LRRC74A: variants seen among roughly 807,000 people sequenced by gnomAD.
LRRC74A encodes the protein leucine-rich repeat-containing protein 74A.
In LRRC74A, 44 loss-of-function variants were observed where a neutral mutation model predicts 57.9. The ratio of observed to expected loss-of-function variants is 0.76; its 90% CI spans 0.60 to 0.98. The LOEUF is 0.98. LRRC74A is among the 50% of genes least tolerant of loss of function. The probability of loss-of-function intolerance (pLI) is 0.00; values close to 1 mark genes in which losing one functional copy is unlikely to be tolerated. For missense variants in LRRC74A, 572 were observed against 574.0 expected (o/e 1.00, Z 0.04); for synonymous variants, 211 against 219.4 (o/e 0.96, Z 0.34).
chr14:76,867,270 T>G (rs1222099585), intron 12 of LRRC74A, 86 bp from the exon 13 acceptor site: 4 of 271,932 alleles, frequency 1.5e-5, no homozygotes, highest in East Asian at 1.0e-4. Flanking sequence ...GTGTGTGTGT[T>G]GGGGGGGTAG....
chr14:76,858,230 G>A (rs1230257388), intron 10 of LRRC74A, among the ~76,000 whole-genome samples: 1 of 152,204 alleles, frequency 6.6e-6, no homozygotes, highest in East Asian at 1.9e-4. Context: ...AGAGTAAGGT[G>A]TCAGCAGGCC....
intron 12 of LRRC74A, among the ~76,000 whole-genome samples, 192 bp from the exon 13 acceptor site, chr14:76,867,152 TGTTGGGGGTGGG>T (rs1898949009): frequency 2.1e-4 from 1 of 4,796 alleles, no homozygotes; most frequent in East Asian, 0.012. Context: ...GGGGTGTGTG[TGTTGGGGGTGGG>T]GTGTGTGGTA....
At chr14:76,857,530 C>T in intron 10 of LRRC74A, 55 bp downstream of exon 10, 1 of 1,273,822 alleles carries the variant, frequency 7.9e-7, no homozygotes, top group South Asian at 1.3e-5. Context: ...TGACCCTGTC[C>T]ACTCTATACT....
At chr14:76,843,989 C>G (rs1896950880) in intron 5 of LRRC74A, among the ~76,000 whole-genome samples, 1 of 150,512 alleles carries the variant, frequency 6.6e-6, no homozygotes, top group African/African-American at 2.5e-5. Context: ...GCATGAGCCA[C>G]AGTACCCAGG....
At chr14:76,831,113 G>A in intron 2 of LRRC74A, 90 bp from the exon 3 acceptor site, 1 of 1,337,350 alleles carries the variant, frequency 7.5e-7, no homozygotes, top group Non-Finnish European at 1.0e-6. Flanking sequence ...GCAGAGGACA[G>A]TCTAGACATG....
chr14:76,838,176 T>A (rs939467351), intron 5 of LRRC74A, among the ~76,000 whole-genome samples: 1 of 152,190 alleles, frequency 6.6e-6, no homozygotes, highest in Admixed American at 6.5e-5. Flanking sequence ...TTACAGATGA[T>A]ATATAAACAA....
chr14:76,868,254 G>A (rs1209321413), intron 13 of LRRC74A, among the ~76,000 whole-genome samples: 2 of 152,174 alleles, frequency 1.3e-5, no homozygotes, highest in Non-Finnish European at 2.9e-5. Flanking sequence ...CTTGAGCCCA[G>A]GAGGTCGAGA....
chr14:76,839,830 A>G (rs1376372008), intron 5 of LRRC74A, among the ~76,000 whole-genome samples: 1 of 152,106 alleles, frequency 6.6e-6, no homozygotes, highest in Non-Finnish European at 1.5e-5. Flanking sequence ...TCCCAGGTTC[A>G]AGCAATTCTC....
At chr14:76,840,673 C>A (rs1208124382) in intron 5 of LRRC74A, among the ~76,000 whole-genome samples, 1 of 151,576 alleles carries the variant, frequency 6.6e-6, no homozygotes, top group Non-Finnish European at 1.5e-5. Flanking sequence ...GGCTCTGCCC[C>A]CCGGGGTTCA....
At chr14:76,837,524 C>G (rs758011355) in intron 4 of LRRC74A, among the ~76,000 whole-genome samples, 6 of 152,220 alleles carry the variant, frequency 3.9e-5, no homozygotes, top group Non-Finnish European at 8.8e-5. Context: ...CACTGCCAAG[C>G]TCTCCAAATG....
intron 9 of LRRC74A, among the ~76,000 whole-genome samples, chr14:76,856,498 T>C (rs1240905387): frequency 6.7e-6 from 1 of 149,560 alleles, no homozygotes; most frequent in African/African-American, 2.5e-5. Context: ...CTCTAATTAA[T>C]ATGTGCTGGA....
At chr14:76,832,280 C>G (rs1041528185) in intron 3 of LRRC74A, among the ~76,000 whole-genome samples, 2 of 152,124 alleles carry the variant, frequency 1.3e-5, no homozygotes, top group African/African-American at 4.8e-5. Flanking sequence ...ATGAAAGGAA[C>G]CCTTCCATCC....
In LRRC74A at chr14:76,857,406, T is replaced by A; in HGVS notation, c.984T>A (p.Asp328Glu). Residue 328 changes from aspartate to glutamate, a missense_variant, in exon 10 of 14, where the codon GAT becomes GAA. Coordinates refer to ENST00000689127, the MANE Select transcript of LRRC74A (RefSeq NM_001385106.1). ...LKLFLNPINM[D>E]GAILLILAIK... ...TTTTCCTGAATCCCATAAATATGGA[T>A]GGGGCTATTTTACTTATCCTGGCTA... 1 of 1,583,544 alleles carries A rather than the reference T, an allele frequency of 6.3e-7. No homozygotes were observed. Among genetic ancestry groups the A allele is most frequent in the Non-Finnish European group, 8.6e-7 (1 of 1,163,170 alleles).
At chr14:76,850,164 C>T (rs998286356) in intron 7 of LRRC74A, among the ~76,000 whole-genome samples, 6 of 150,066 alleles carry the variant, frequency 4.0e-5, no homozygotes, top group Non-Finnish European at 5.9e-5. Flanking sequence ...GCGGAGATTG[C>T]GCCACTGCAC....
At position 76,836,329 on chromosome 14, in the gene LRRC74A, T is replaced by C. The variant is rs45467999; in HGVS notation, c.447+15T>C. On this transcript the variant is annotated intron_variant, in intron 4 of 13. Coordinates refer to ENST00000689127, the MANE Select transcript of LRRC74A (RefSeq NM_001385106.1). ...TCCAGGAGATGGTACTGTGCCCCCC[T>C]GTGCTGGCTCTTACCATCATCCCTG... 4,450 of 1,560,444 alleles carry C rather than the reference T, an allele frequency of 2.9e-3. 13 individuals carry two copies. Among genetic ancestry groups the C allele is most frequent in the Non-Finnish European group, 3.6e-3 (4,121 of 1,135,854 alleles).
At chr14:76,842,821 T>A (rs1896865925) in intron 5 of LRRC74A, among the ~76,000 whole-genome samples, 1 of 152,194 alleles carries the variant, frequency 6.6e-6, no homozygotes, top group African/African-American at 2.4e-5. Context: ...TGTCTTACAT[T>A]GCTTAGCAGG....
chr14:76,829,337 A>G (rs1019082705), intron 2 of LRRC74A, among the ~76,000 whole-genome samples: 2 of 152,178 alleles, frequency 1.3e-5, no homozygotes, highest in African/African-American at 2.4e-5. Flanking sequence ...CCTCCCCACC[A>G]TGGTCAACAT....
chr14:76,861,751 G>A (rs993427452), intron 11 of LRRC74A, among the ~76,000 whole-genome samples: 1 of 152,176 alleles, frequency 6.6e-6, no homozygotes, highest in Non-Finnish European at 1.5e-5. Flanking sequence ...TTTCCACAGC[G>A]GGCCTCTCAC....
At chr14:76,852,295 C>A in intron 7 of LRRC74A, 70 bp from the exon 8 acceptor site, 1 of 1,207,738 alleles carries the variant, frequency 8.3e-7, no homozygotes, top group Non-Finnish European at 1.2e-6. Flanking sequence ...GTGTCATGGA[C>A]ATCTGTTAAC....
Sources: allele counts gnomAD v4.1 joint callset (sites outside exome capture counted in the v4.1 genomes callset), GRCh38; gene constraint gnomAD v4.1.1; transcripts MANE v1.5; gene names NCBI Gene and HGNC (gene_info 2026-07-23, HGNC 2026-07-21).